The following EEF1E1 variants were observed in gnomAD, a reference collection of about 807,000 sequenced individuals.
EEF1E1 encodes the protein eukaryotic translation elongation factor 1 epsilon 1, also known as eukaryotic translation elongation factor 1 epsilon-1.
EEF1E1 carries 19 observed loss-of-function variants against 19.9 expected under a neutral mutation model. The ratio of observed to expected loss-of-function variants is 0.95; its 90% CI spans 0.66 to 1.40. The LOEUF is 1.40. Ranked by LOEUF, EEF1E1 falls within the 40% of genes most tolerant of loss-of-function variation. The probability of loss-of-function intolerance (pLI) is 0.00; values close to 1 mark genes in which losing one functional copy is unlikely to be tolerated. For missense variants in EEF1E1, 198 were observed against 202.2 expected, an observed-to-expected ratio of 0.98 and a Z score of 0.13; for synonymous variants, 81 against 80.0, an observed-to-expected ratio of 1.01 and a Z score of -0.07.
chr6:8,096,976 C>G (rs1254913956), intron 2 of EEF1E1, among the ~76,000 whole-genome samples: 1 of 152,144 alleles, frequency 6.6e-6, no homozygotes, highest in Non-Finnish European at 1.5e-5. Flanking sequence ...TAATTATTGA[C>G]TATGACAAGG....
chr6:8,102,331 A>C, intron 1 of EEF1E1, 104 bp downstream of exon 1: 1 of 1,195,830 alleles, frequency 8.4e-7, no homozygotes. Context: ...GGGTAGCAGC[A>C]TCCTCACTCC....
rs1283097962 is a variant in EEF1E1, at chr6:8,102,465, C to T, written c.57G>A (p.Gly19=). 1 of 1,612,662 alleles carries T rather than the reference C, an allele frequency of 6.2e-7. No homozygotes were observed. The highest frequency in any genetic ancestry group is 2.2e-5 in the East Asian group (1 of 44,862). ...LLEKSLGLSK[G]NKYSAQGERQ... Reference sequence around the variant, plus strand: ...GCTCGCCCTGAGCACTGTATTTATTCCCCTTACTCAGTCCCAGGGACTTCT... The same window carrying T: ...GCTCGCCCTGAGCACTGTATTTATTTCCCTTACTCAGTCCCAGGGACTTCT... Residue 19 remains glycine, a synonymous_variant, in exon 1 of 4, where the codon GGG becomes GGA. Coordinates refer to ENST00000379715, the MANE Select transcript of EEF1E1 (RefSeq NM_004280.5).
At chr6:8,088,233 T>C (rs1254281567) in intron 3 of EEF1E1, among the ~76,000 whole-genome samples, 2 of 151,890 alleles carry the variant, frequency 1.3e-5, no homozygotes, top group East Asian at 1.9e-4. Flanking sequence ...AGACTGATCA[T>C]GTAGGTAGTG....
chr6:8,076,929 T>TTTTTTG (rs1313782854), downstream of EEF1E1, among the ~76,000 whole-genome samples: 3 of 143,316 alleles, frequency 2.1e-5, no homozygotes, highest in South Asian at 2.2e-4. Flanking sequence ...TAGCATGATT[T>TTTTTTG]TTTTTGTTTT....
At chr6:8,074,028 C>T (rs539004009) in intron 3 of EEF1E1, among the ~76,000 whole-genome samples, 1 of 152,312 alleles carries the variant, frequency 6.6e-6, no homozygotes, top group Admixed American at 6.5e-5. Flanking sequence ...CAGGAAAGGC[C>T]CTTCAGGGGA....
Position 8,094,538 on chromosome 6 carries a change from TGCA to T in EEF1E1, c.288+2726_288+2728del, listed in dbSNP as rs1415884331. ...TTGCTTGAACCTGGAAGGCAGAGGT[TGCA>T]GCCTGTGTGACAGAGCAAGACTCTA... is the stretch of plus-strand genomic sequence containing the variant. On this transcript the variant is annotated intron_variant, in intron 2 of 3. Transcript: ENST00000379715. 2.0e-5 allele frequency among the ~76,000 whole-genome samples: 3 copies of T among 150,996 alleles called. No individual in the cohort carries two copies. In the East Asian group the frequency reaches 5.9e-4, roughly 29 times the overall value.
chr6:8,087,949 G>A (rs1757907956), intron 3 of EEF1E1, among the ~76,000 whole-genome samples: 1 of 152,160 alleles, frequency 6.6e-6, no homozygotes, highest in Non-Finnish European at 1.5e-5. Flanking sequence ...AGCCAAGCTT[G>A]TAGGCAGAGA....
chr6:8,099,831 G>GA (rs1561646472), intron 1 of EEF1E1, among the ~76,000 whole-genome samples: 1 of 147,574 alleles, frequency 6.8e-6, no homozygotes, highest in African/African-American at 2.5e-5. Context: ...CACACATGAT[G>GA]AAACTGCCTA....
At chr6:8,101,287 A>T (rs1758356345) in intron 1 of EEF1E1, among the ~76,000 whole-genome samples, 1 of 117,824 alleles carries the variant, frequency 8.5e-6, no homozygotes, top group Non-Finnish European at 1.7e-5. Context: ...TATATATGGC[A>T]CTCTTCCAAT....
intron 3 of EEF1E1, among the ~76,000 whole-genome samples, chr6:8,085,594 A>C (rs532385449): frequency 2.0e-5 from 3 of 152,334 alleles, no homozygotes; most frequent in South Asian, 4.1e-4. Context: ...AGTATGGGGA[A>C]TATTCATTCT....
intron 1 of EEF1E1, among the ~76,000 whole-genome samples, chr6:8,101,370 T>C (rs757427541): frequency 1.4e-4 from 19 of 139,634 alleles, no homozygotes; most frequent in South Asian, 4.4e-4. Context: ...ATATAATATA[T>C]ACACTAAGCT....
At position 8,079,676 on chromosome 6, in the gene EEF1E1, C is replaced by T; in HGVS notation, c.*214G>A. ...AGGTTAATTTATAACTGGATCTCAA[C>T]TTGTTTAATAGCAATTGAATTTTGA... On this transcript the variant is annotated 3_prime_UTR_variant, in exon 4 of 4. Transcript: ENST00000379715. 1 of 1,236,692 alleles carries T rather than the reference C, an allele frequency of 8.1e-7. No homozygotes were observed. Among genetic ancestry groups the T allele is most frequent in the East Asian group, 3.1e-5 (1 of 32,070 alleles). The allele number at this position is 1,236,692 out of a possible 1,614,324, so 76.6% of individuals were successfully genotyped here. A position where few individuals can be genotyped will look rare whatever the true frequency, so the allele number is the denominator to read the frequency against.
In EEF1E1 at chr6:8,097,270, C is replaced by G. The variant is rs951748283; in HGVS notation, c.285G>C (p.Leu95Phe). 4.3e-6 allele frequency: 7 copies of G among 1,614,086 alleles called. No homozygotes were observed. Among genetic ancestry groups the G allele is most frequent in the Middle Eastern group, 1.6e-4 (1 of 6,062 alleles). ...HSSKNDIHTLLKDLNSYLEDK... is the reference protein window; with the variant it reads ...HSSKNDIHTLFKDLNSYLEDK... ...CCTATAAGAGAAGTCACGATACCTT[C>G]AACAGTGTGTGGATGTCATTTTTAC... is the stretch of plus-strand genomic sequence containing the variant. The change falls in exon 2 of 4, where the codon TTG (leucine) becomes TTC (phenylalanine). Residue 95 changes from leucine (L) to phenylalanine (F), a missense_variant. Coordinates refer to ENST00000379715, the MANE Select transcript of EEF1E1 (RefSeq NM_004280.5).
chr6:8,096,439 A>C (rs1740837254), intron 2 of EEF1E1, among the ~76,000 whole-genome samples: 1 of 152,190 alleles, frequency 6.6e-6, no homozygotes, highest in Non-Finnish European at 1.5e-5. Flanking sequence ...TCTGAAACTG[A>C]CTTTGTACCA....
At chr6:8,077,479 A>C (rs118057879), downstream of EEF1E1, among the ~76,000 whole-genome samples, 90 of 152,184 alleles carry the variant, frequency 5.9e-4, 3 homozygotes, top group East Asian at 0.017. Flanking sequence ...AGCCACCTTC[A>C]CCCATGATCT....
intron 1 of EEF1E1, among the ~76,000 whole-genome samples, chr6:8,099,770 ACACACACACACACACACACAC>A (rs1561646225): frequency 8.2e-6 from 1 of 122,280 alleles, no homozygotes; most frequent in African/African-American, 3.2e-5. Flanking sequence ...ACACACACAC[ACACACACACACACACACACAC>A]AAAAAAAAAA....
At chr6:8,082,074 G>A (rs931456190) in intron 3 of EEF1E1, among the ~76,000 whole-genome samples, 1 of 152,208 alleles carries the variant, frequency 6.6e-6, no homozygotes, top group East Asian at 1.9e-4. Context: ...GTGTCACTGA[G>A]GACTAGTATA....
At chr6:8,101,965 G>C in intron 1 of EEF1E1, 1 of 1,247,128 alleles carries the variant, frequency 8.0e-7, no homozygotes, top group Non-Finnish European at 1.0e-6. Flanking sequence ...AGCTGCCTGA[G>C]AGGAGGAAGC....
intron 1 of EEF1E1, chr6:8,102,087 G>A (rs1758381865): frequency 2.5e-6 from 3 of 1,203,474 alleles, no homozygotes; most frequent in South Asian, 1.7e-5. Context: ...TGCGATTACG[G>A]GAAAAAAAAA....
Sources: allele counts gnomAD v4.1 joint callset (sites outside exome capture counted in the v4.1 genomes callset), GRCh38; gene constraint gnomAD v4.1.1; transcripts MANE v1.5; gene names NCBI Gene and HGNC (gene_info 2026-07-23, HGNC 2026-07-21).